Variants in BCAS3 observed in about 807,000 individuals in gnomAD.
BCAS3 encodes BCAS3 microtubule associated cell migration factor, also known as BCAS4/BCAS3 fusion.
In BCAS3, 53 loss-of-function variants were observed where a neutral mutation model predicts 116.1. The observed-to-expected ratio is 0.46, with a 90% confidence interval of 0.37 to 0.57. The LOEUF (loss-of-function observed/expected upper bound fraction) is 0.57. Among genes scored for constraint, BCAS3 ranks in the 20% least tolerant of loss-of-function variants. BCAS3 has a pLI of 0.00. For synonymous variants in BCAS3, 391 were observed against 408.2 expected, an observed-to-expected ratio of 0.96 and a Z score of 0.51; for missense variants, 917 against 1,165.4, an observed-to-expected ratio of 0.79 and a Z score of 3.10.
chr17:60,855,238 G>A (rs865923903), intron 7 of BCAS3, among the ~76,000 whole-genome samples: 20 of 150,704 alleles, frequency 1.3e-4, no homozygotes, highest in Non-Finnish European at 1.8e-4. Flanking sequence ...GTGAGCCACC[G>A]TGCCCAGAGA....
chr17:61,026,732 C>T lies in BCAS3; in HGVS notation c.1638-7934C>T, dbSNP rs1171327748. On this transcript the variant is annotated intron_variant, in intron 16 of 23. Coordinates refer to ENST00000407086, the MANE Select transcript of BCAS3 (RefSeq NM_017679.5). The surrounding 1 kb of genome is among the most constrained non-coding windows in gnomAD (Gnocchi z 5.0). ...TGGTTATATCAGACAGTATGTACAG[C>T]AGAATTGTAAATGATTACTAATTTT... The T allele has an allele frequency of 1.2e-6, 1 of 806,242 alleles. No individual in the cohort carries two copies. The highest frequency in any genetic ancestry group is 1.7e-5 in the African/African-American group (1 of 58,354). The allele number at this position is 806,242 out of a possible 1,614,324, so 49.9% of individuals were successfully genotyped here.
chr17:60,798,642 A>G (rs1452233763), intron 6 of BCAS3, among the ~76,000 whole-genome samples: 1 of 152,248 alleles, frequency 6.6e-6, no homozygotes, highest in African/African-American at 2.4e-5. Flanking sequence ...AAGCTGTCAT[A>G]AACATTGTGT....
At chr17:60,819,749 C>A (rs2049760625) in intron 7 of BCAS3, among the ~76,000 whole-genome samples, 2 of 151,958 alleles carry the variant, frequency 1.3e-5, no homozygotes. Context: ...CCTACCCTCC[C>A]CCTCTCCTTC....
At chr17:61,060,532 A>C (rs1335227303) in intron 19 of BCAS3, among the ~76,000 whole-genome samples, 1 of 152,142 alleles carries the variant, frequency 6.6e-6, no homozygotes, top group Non-Finnish European at 1.5e-5. Context: ...TTAAATTATC[A>C]CTCACTGAAT....
rs1447384870 is a variant in BCAS3, at chr17:61,355,187, G to A, written c.2426-13140G>A. ...AATAATCCAAGAGGACAAGCCACTCGTGTCTGTGTGTATATTGGGTTTCAC... is the reference window on the plus strand; with the variant it reads ...AATAATCCAAGAGGACAAGCCACTCATGTCTGTGTGTATATTGGGTTTCAC... On this transcript the variant is annotated intron_variant, in intron 22 of 23. Transcript: ENST00000407086. The surrounding 1 kb of genome is among the most constrained non-coding windows in gnomAD (Gnocchi z 4.2). 6.6e-6 allele frequency: 1 copy of A among 152,234 alleles called. No individual in the cohort carries two copies. Among genetic ancestry groups the A allele is most frequent in the East Asian group, 1.9e-4 (1 of 5,202 alleles). 9.4% of individuals were successfully genotyped at this position (152,234 alleles called of 1,614,324 possible).
At chr17:60,719,622 G>A (rs2039025728) in intron 5 of BCAS3, among the ~76,000 whole-genome samples, 1 of 152,214 alleles carries the variant, frequency 6.6e-6, no homozygotes, top group Non-Finnish European at 1.5e-5. Context: ...TGAATTGCAG[G>A]ATGAGGAGTT....
chr17:61,059,467 T>C (rs1001379176), intron 19 of BCAS3, among the ~76,000 whole-genome samples: 10 of 152,158 alleles, frequency 6.6e-5, no homozygotes, highest in Non-Finnish European at 1.0e-4. Context: ...CCAAAAAGGC[T>C]TACCCAAGAG....
At chr17:61,254,893 A>G (rs2048671193) in intron 22 of BCAS3, among the ~76,000 whole-genome samples, 1 of 152,068 alleles carries the variant, frequency 6.6e-6, no homozygotes, top group Non-Finnish European at 1.5e-5. Flanking sequence ...CAACAAAACC[A>G]TTACCTGGAA....
intron 9 of BCAS3, among the ~76,000 whole-genome samples, chr17:60,878,159 A>G (rs1418882643): frequency 1.3e-5 from 2 of 151,778 alleles, no homozygotes; most frequent in Non-Finnish European, 2.9e-5. Context: ...ACAGGCAGGC[A>G]CCACCACGCC....
chr17:60,842,139 GTTAC>G (rs1174828066), intron 7 of BCAS3, among the ~76,000 whole-genome samples: 1 of 152,080 alleles, frequency 6.6e-6, no homozygotes, highest in Non-Finnish European at 1.5e-5. Flanking sequence ...ATAACTGCTA[GTTAC>G]TTTTAGATTT....
At chr17:61,271,589 CTGTGTGTGTGTGTGTGTGTGTGTGTG>C (rs34693526) in intron 22 of BCAS3, among the ~76,000 whole-genome samples, 1 of 118,370 alleles carries the variant, frequency 8.4e-6, no homozygotes, top group Non-Finnish European at 1.7e-5. Flanking sequence ...ACGCCCAGCT[CTGTGTGTGTGTGTGTGTGTGTGTGTG>C]TGTGTGTGTG....
At chr17:61,167,362 A>T (rs961680056) in intron 22 of BCAS3, among the ~76,000 whole-genome samples, 4 of 152,244 alleles carry the variant, frequency 2.6e-5, no homozygotes, top group Non-Finnish European at 4.4e-5. Flanking sequence ...AAAGATTAGC[A>T]ATACAGGCTT....
intron 4 of BCAS3, among the ~76,000 whole-genome samples, chr17:60,704,695 G>A (rs1299056233): frequency 1.3e-5 from 2 of 151,862 alleles, no homozygotes; most frequent in Non-Finnish European, 2.9e-5. Flanking sequence ...AAAATTAGCC[G>A]GGCATGGTGG....
intron 22 of BCAS3, among the ~76,000 whole-genome samples, chr17:61,284,419 G>A (rs564954089): frequency 7.0e-4 from 107 of 152,232 alleles, no homozygotes; most frequent in African/African-American, 2.2e-3. Flanking sequence ...CGAACCGACC[G>A]GAAGGAAGAA....
Position 61,362,306 on chromosome 17 carries a change from G to A in BCAS3, c.2426-6021G>A, listed in dbSNP as rs1292599983. 6.6e-6 allele frequency among the ~76,000 whole-genome samples: 1 copy of A among 152,214 alleles called. No homozygotes were observed. The highest frequency in any genetic ancestry group is 2.4e-5 in the African/African-American group (1 of 41,454). ...CATCATCACAACCTCTCACCAAGGA[G>A]GGCTTACATCTTGCAAAGCACTGCT... On this transcript the variant is annotated intron_variant, in intron 22 of 23. Coordinates refer to ENST00000407086, the MANE Select transcript of BCAS3 (RefSeq NM_017679.5). This position sits in a 1 kb window ranked among gnomAD's most constrained non-coding sequence, Gnocchi z 4.4.
chr17:60,968,187 G>T (rs1777372181), intron 14 of BCAS3, among the ~76,000 whole-genome samples: 1 of 151,752 alleles, frequency 6.6e-6, no homozygotes, highest in African/African-American at 2.4e-5. Context: ...ACCTTGTTTT[G>T]ATTTTATTGG....
chr17:61,141,696 A>G lies in BCAS3; in HGVS notation c.2425+57132A>G, dbSNP rs916620516. Among the ~76,000 whole-genome samples, 1 of 152,228 alleles carries G rather than the reference A, an allele frequency of 6.6e-6. No homozygotes were observed. The highest frequency in any genetic ancestry group is 1.9e-4 in the East Asian group (1 of 5,164). On this transcript the variant is annotated intron_variant, in intron 22 of 23. Transcript: ENST00000407086. This position sits in a 1 kb window ranked among gnomAD's most constrained non-coding sequence, Gnocchi z 4.3. ...GGTGGGCGGATCACGAGGTCAAGAG[A>G]TCAAGACCATCCCGGCCAACATGAT...
In BCAS3 at chr17:61,211,888, A is replaced by G. The variant is rs560514915; in HGVS notation, c.2425+127324A>G. 6.6e-6 allele frequency among the ~76,000 whole-genome samples: 1 copy of G among 152,348 alleles called. No individual in the cohort carries two copies. Among genetic ancestry groups the G allele is most frequent in the African/African-American group, 2.4e-5 (1 of 41,588 alleles). On this transcript the variant is annotated intron_variant, in intron 22 of 23. Transcript: ENST00000407086. The surrounding 1 kb of genome is among the most constrained non-coding windows in gnomAD (Gnocchi z 4.4). ...CCTTAGCATAAAGTTAATATCGTCA[A>G]AGATCTGACTATAATCCATTTCATT...
At chr17:61,069,532 A>G (rs935124281) in intron 19 of BCAS3, among the ~76,000 whole-genome samples, 4 of 152,270 alleles carry the variant, frequency 2.6e-5, no homozygotes, top group African/African-American at 9.6e-5. Flanking sequence ...TTCAATGTCC[A>G]CCTGCAAGAA....
Sources: allele counts gnomAD v4.1 joint callset (sites outside exome capture counted in the v4.1 genomes callset), GRCh38; gene constraint gnomAD v4.1.1; non-coding constraint Gnocchi (gnomAD v3.1); transcripts MANE v1.5; gene names NCBI Gene and HGNC (gene_info 2026-07-23, HGNC 2026-07-21).